BICC1: variants seen among roughly 807,000 people sequenced by gnomAD.
BICC1 encodes the protein protein bicaudal C homolog 1.
Under a neutral mutation model 111.0 loss-of-function variants are expected in BICC1, and 43 were observed. The observed-to-expected ratio is 0.39, with a 90% confidence interval of 0.30 to 0.50. The LOEUF (loss-of-function observed/expected upper bound fraction) is 0.50. Among genes scored for constraint, BICC1 ranks in the 20% least tolerant of loss-of-function variants. The probability of loss-of-function intolerance (pLI) is 0.88; values close to 1 mark genes in which losing one functional copy is unlikely to be tolerated. For synonymous variants in BICC1, 467 were observed against 434.4 expected, an observed-to-expected ratio of 1.07 and a Z score of -0.93; for missense variants, 1,091 against 1,203.2, an observed-to-expected ratio of 0.91 and a Z score of 1.38.
At chr10:58,650,200 T>A (rs558246069) in intron 2 of BICC1, 1 of 152,284 alleles carries the variant, frequency 6.6e-6, no homozygotes, top group East Asian at 1.9e-4. Flanking sequence ...CCTCTCTCTG[T>A]CTCTTTCTCC....
chr10:58,535,449 G>T (rs2131866225), intron 1 of BICC1, among the ~76,000 whole-genome samples: 1 of 151,712 alleles, frequency 6.6e-6, no homozygotes, highest in South Asian at 2.1e-4. Context: ...CAGAATAACT[G>T]TCAGGCAAGA....
Position 58,515,929 on chromosome 10 carries a change from T to C in BICC1, c.190+2596T>C, listed in dbSNP as rs1480500728. ...AGTGCCTACCACAATGTATGAAATA[T>C]AGTATATACTTAATAAATAGTTGGG... On this transcript the variant is annotated intron_variant, in intron 1 of 20. Transcript: ENST00000373886. Among the ~76,000 whole-genome samples the C allele has an allele frequency of 2.6e-5, 4 of 152,320 alleles. No homozygotes were observed. The East Asian group carries it at 5.8e-4, about 22-fold the overall frequency.
intron 1 of BICC1, among the ~76,000 whole-genome samples, chr10:58,517,489 G>A (rs2170779): frequency 0.54 from 82,103 of 151,990 alleles, 23,232 homozygotes; most frequent in African/African-American, 0.71. Context: ...TCATGAGAGC[G>A]GGAAGAAATA....
At chr10:58,627,426 T>A (rs2132161337) in intron 2 of BICC1, among the ~76,000 whole-genome samples, 1 of 152,372 alleles carries the variant, frequency 6.6e-6, no homozygotes, top group South Asian at 2.1e-4. Flanking sequence ...TCTCCCTTTA[T>A]GACTTAAATG....
chr10:58,803,702 T>C (rs1489117898), intron 15 of BICC1, among the ~76,000 whole-genome samples: 3 of 152,150 alleles, frequency 2.0e-5, no homozygotes, highest in Non-Finnish European at 4.4e-5. Flanking sequence ...AGATGATGAA[T>C]ATTATTGATG....
chr10:58,556,283 T>A (rs2131933471), intron 1 of BICC1, among the ~76,000 whole-genome samples: 1 of 152,258 alleles, frequency 6.6e-6, no homozygotes, highest in Non-Finnish European at 1.5e-5. Flanking sequence ...GAAATTGCAT[T>A]ACTAGCTCTA....
intron 2 of BICC1, among the ~76,000 whole-genome samples, chr10:58,670,110 C>T (rs982218172): frequency 1.3e-5 from 2 of 152,016 alleles, no homozygotes; most frequent in Non-Finnish European, 2.9e-5. Flanking sequence ...ACCAGATATC[C>T]ACTACCTAAA....
At chr10:58,717,135 G>A (rs898173428) in intron 3 of BICC1, among the ~76,000 whole-genome samples, 2 of 152,088 alleles carry the variant, frequency 1.3e-5, no homozygotes, top group Admixed American at 1.3e-4. Context: ...GGTACTTTTC[G>A]AACTTGATAG....
At chr10:58,749,209 A>G (rs887610250) in intron 3 of BICC1, among the ~76,000 whole-genome samples, 7 of 152,134 alleles carry the variant, frequency 4.6e-5, no homozygotes, top group Admixed American at 6.6e-5. Flanking sequence ...TATGCGTTAG[A>G]TGCTCAATAC....
At chr10:58,707,148 C>T (rs543361747) in intron 3 of BICC1, among the ~76,000 whole-genome samples, 6 of 152,266 alleles carry the variant, frequency 3.9e-5, no homozygotes, top group South Asian at 2.1e-4. Context: ...AAAGAATCTT[C>T]GTAATTCCAT....
At chr10:58,793,455 C>T (rs919133198) in intron 8 of BICC1, 29 bp from the exon 9 acceptor site, 4 of 1,595,138 alleles carry the variant, frequency 2.5e-6, no homozygotes, top group Non-Finnish European at 3.4e-6. Flanking sequence ...ATTTTTACCT[C>T]CTACACATTC....
At chr10:58,638,781 G>A (rs551904031) in intron 2 of BICC1, among the ~76,000 whole-genome samples, 13 of 152,248 alleles carry the variant, frequency 8.5e-5, no homozygotes, top group Middle Eastern at 3.4e-3. Flanking sequence ...CTCTGGTTCC[G>A]TTATTCGTCA....
At chr10:58,543,543 C>T (rs1263024955) in intron 1 of BICC1, among the ~76,000 whole-genome samples, 1 of 152,018 alleles carries the variant, frequency 6.6e-6, no homozygotes, top group African/African-American at 2.4e-5. Context: ...GGGTCTGGCT[C>T]CTGTCACCTA....
At chr10:58,642,554 C>T (rs1410631367) in intron 2 of BICC1, among the ~76,000 whole-genome samples, 1 of 152,094 alleles carries the variant, frequency 6.6e-6, no homozygotes, top group Non-Finnish European at 1.5e-5. Flanking sequence ...TGCAGTCATC[C>T]TTTCTGTTCC....
intron 2 of BICC1, among the ~76,000 whole-genome samples, chr10:58,670,255 AT>A (rs1371000020): frequency 1.3e-5 from 2 of 152,176 alleles, no homozygotes; most frequent in Non-Finnish European, 2.9e-5. Flanking sequence ...ATCAGCGTGC[AT>A]ACCAATTACT....
intron 1 of BICC1, among the ~76,000 whole-genome samples, chr10:58,601,173 T>TATATATATATATATAAAA (rs752405472): frequency 3.8e-5 from 5 of 131,086 alleles, no homozygotes; most frequent in African/African-American, 1.4e-4. Context: ...TATATATATC[T>TATATATATATATATAAAA]CCCAATAAAA....
At chr10:58,520,283 C>T (rs1167100154) in intron 1 of BICC1, among the ~76,000 whole-genome samples, 2 of 152,098 alleles carry the variant, frequency 1.3e-5, no homozygotes, top group Non-Finnish European at 2.9e-5. Context: ...AATTTTATTG[C>T]TAATTTATAG....
In BICC1 at chr10:58,817,667, A is replaced by G. The variant is rs1844136971; in HGVS notation, c.2639A>G (p.Glu880Gly). The G allele has an allele frequency of 6.2e-7, 1 of 1,613,498 alleles. No homozygotes were observed. The highest frequency in any genetic ancestry group is 8.5e-7 in the Non-Finnish European group (1 of 1,179,644). Reference protein sequence around the residue: ...NSSFKGSDLPELFSKLGLGKY... With the variant: ...NSSFKGSDLPGLFSKLGLGKY... ...TCTTTCAAAGGTTCTGACCTCCCTG[A>G]GCTCTTCAGCAAACTGGGCCTGGGC... is the stretch of plus-strand genomic sequence containing the variant. The change falls in exon 19 of 21, where the codon GAG (glutamate) becomes GGG (glycine). Residue 880 changes from glutamate (E) to glycine (G), a missense_variant. Physicochemically the swap from Glu to Gly is moderately conservative, Grantham distance 98. Around this residue, in one of 3 missense-constraint regions of BICC1, gnomAD observed 231 missense variants for 256.2 expected, o/e 0.90. Transcript: ENST00000373886.
chr10:58,678,527 G>C lies in BICC1; in HGVS notation c.238-23547G>C, dbSNP rs1439874636. 2.0e-5 allele frequency among the ~76,000 whole-genome samples: 3 copies of C among 152,150 alleles called. No individual in the cohort carries two copies. The East Asian group carries it at 5.8e-4, about 29-fold the overall frequency. ...TATGCACCCAATACAGGAGCACCCA[G>C]ATTCATAAAGCAAGTTCTTCAAGAC... On this transcript the variant is annotated intron_variant, in intron 2 of 20. Coordinates refer to ENST00000373886, the MANE Select transcript of BICC1 (RefSeq NM_001080512.3).
Sources: gnomAD v4.1 joint callset for allele counts (sites outside exome capture counted in the v4.1 genomes callset) on GRCh38, gnomAD v4.1.1 for gene constraint, gnomAD v4.1.1 regional missense constraint, MANE v1.5 for transcripts, NCBI Gene and HGNC (gene_info 2026-07-23, HGNC 2026-07-21) for gene names.